The following RBM33 variants were observed in gnomAD, a reference collection of about 807,000 sequenced individuals.
The protein encoded by RBM33 is RNA binding motif protein 33, also known as RNA-binding protein 33.
RBM33 carries 28 observed loss-of-function variants against 132.6 expected under a neutral mutation model. The ratio of observed to expected loss-of-function variants is 0.21; its 90% CI spans 0.16 to 0.29. The LOEUF (loss-of-function observed/expected upper bound fraction) is 0.29, where lower values mean the gene tolerates loss of function less well. Ranked by LOEUF, RBM33 falls within the 10% of genes least tolerant of loss-of-function variation. The probability of loss-of-function intolerance (pLI) is 1.00; values close to 1 mark genes in which losing one functional copy is unlikely to be tolerated. For synonymous variants in RBM33, 634 were observed against 593.0 expected, an observed-to-expected ratio of 1.07 and a Z score of -1.01; for missense variants, 1,291 against 1,518.5, an observed-to-expected ratio of 0.85 and a Z score of 2.49.
At chr7:155,729,123 G>A (rs1005832243) in intron 9 of RBM33, among the ~76,000 whole-genome samples, 2 of 152,188 alleles carry the variant, frequency 1.3e-5, no homozygotes, top group Non-Finnish European at 2.9e-5. Flanking sequence ...CCTTCTTCAC[G>A]TGGTGGCAGG....
intron 3 of RBM33, among the ~76,000 whole-genome samples, chr7:155,673,503 TACATACACACGTGTATATATATACACAC>T (rs1799016439): frequency 6.7e-6 from 1 of 148,920 alleles, no homozygotes; most frequent in African/African-American, 2.5e-5. Context: ...CACACATATA[TACATACACACGTGTATATATATACACAC>T]ATATATACAT....
chr7:155,683,310 G>A (rs1410668268), intron 5 of RBM33, among the ~76,000 whole-genome samples: 1 of 152,216 alleles, frequency 6.6e-6, no homozygotes, highest in Non-Finnish European at 1.5e-5. Context: ...TGTCACTGAA[G>A]CCCAGATGAT....
At chr7:155,747,124 T>G (rs1801542121) in intron 14 of RBM33, among the ~76,000 whole-genome samples, 1 of 152,216 alleles carries the variant, frequency 6.6e-6, no homozygotes, top group Non-Finnish European at 1.5e-5. Flanking sequence ...GACTATCCAG[T>G]AGGATAGTCT....
At chr7:155,759,012 A>AG (rs1801941760) in intron 14 of RBM33, among the ~76,000 whole-genome samples, 1 of 151,738 alleles carries the variant, frequency 6.6e-6, no homozygotes, top group Non-Finnish European at 1.5e-5. Flanking sequence ...AGGTGGCACT[A>AG]GGAGGTGAGG....
chr7:155,739,879 G>GCACCACCAC lies in RBM33; in HGVS notation c.1916_1924dup (p.His639_His641dup), dbSNP rs754177553. ...CACCACAGCACCCGCCGCAGCACCA[G>GCACCACCAC]CACCACCACCACCACCACCACCTGT... On this transcript the variant is annotated inframe_insertion, in exon 12 of 18. Transcript: ENST00000401878. 4.5e-5 allele frequency: 63 copies of GCACCACCAC among 1,386,406 alleles called. No homozygotes were observed. The highest frequency in any genetic ancestry group is 5.1e-5 in the Non-Finnish European group (53 of 1,045,840). The allele number at this position is 1,386,406 out of a possible 1,614,324, so 85.9% of individuals were successfully genotyped here.
chr7:155,697,892 G>A (rs529592465), intron 5 of RBM33, among the ~76,000 whole-genome samples: 44 of 152,208 alleles, frequency 2.9e-4, no homozygotes, highest in Admixed American at 1.9e-3. Context: ...CAATAAATCA[G>A]TAACTAAAAA....
intron 5 of RBM33, among the ~76,000 whole-genome samples, chr7:155,698,772 G>A (rs976755131): frequency 1.3e-5 from 2 of 152,170 alleles, no homozygotes; most frequent in African/African-American, 4.8e-5. Flanking sequence ...TCATTGCAGT[G>A]TATAACCCTT....
chr7:155,780,534 C>G lies in RBM33; in HGVS notation c.*5493C>G, dbSNP rs1182966985. On this transcript the variant is annotated 3_prime_UTR_variant, in exon 18 of 18. Coordinates refer to ENST00000401878, the MANE Select transcript of RBM33 (RefSeq NM_053043.3). ...ATGCCATGCTCTGGGCTCTCCCTCT[C>G]TGTCCATTTCTGTTTTGCTTTCCTG... The G allele has an allele frequency of 6.6e-6, 1 of 152,418 alleles. No individual in the cohort carries two copies. The highest frequency in any genetic ancestry group is 1.9e-4 in the East Asian group (1 of 5,206). 9.4% of individuals were successfully genotyped at this position (152,418 alleles called of 1,614,324 possible). A position where few individuals can be genotyped will look rare whatever the true frequency, so the allele number is the denominator to read the frequency against.
intron 3 of RBM33, among the ~76,000 whole-genome samples, chr7:155,673,772 A>ACG (rs1799068169): frequency 9.1e-6 from 1 of 109,668 alleles, no homozygotes; most frequent in Non-Finnish European, 2.0e-5. Flanking sequence ...ATGCGCGCAC[A>ACG]CACACACACA....
intron 1 of RBM33, among the ~76,000 whole-genome samples, chr7:155,654,981 T>TG (rs1382325390): frequency 4.6e-5 from 7 of 152,248 alleles, no homozygotes; most frequent in Non-Finnish European, 1.0e-4. Context: ...TTTTAGGTAT[T>TG]GCAATAATAT....
At chr7:155,659,691 C>T (rs1798589034) in intron 1 of RBM33, among the ~76,000 whole-genome samples, 1 of 151,906 alleles carries the variant, frequency 6.6e-6, no homozygotes, top group African/African-American at 2.4e-5. Context: ...CTGAAAATTG[C>T]CAAATTCATA....
intron 5 of RBM33, among the ~76,000 whole-genome samples, chr7:155,700,248 T>A (rs1423211573): frequency 2.0e-5 from 3 of 151,732 alleles, no homozygotes; most frequent in Non-Finnish European, 4.4e-5. Flanking sequence ...TAAAAAGGAG[T>A]GAGAAATGAT....
intron 3 of RBM33, among the ~76,000 whole-genome samples, chr7:155,673,940 G>GTTGTTTTTTGTTTT: frequency 1.5e-4 from 8 of 54,214 alleles, no homozygotes; most frequent in African/African-American, 6.6e-4. Flanking sequence ...TTTAGGCTTA[G>GTTGTTTTTTGTTTT]TTTTTTTTTT....
At chr7:155,769,077 G>T (rs1802319624) in intron 16 of RBM33, among the ~76,000 whole-genome samples, 1 of 152,166 alleles carries the variant, frequency 6.6e-6, no homozygotes, top group South Asian at 2.1e-4. Flanking sequence ...TTTATCTATA[G>T]ACTCAGTGAG....
chr7:155,729,059 G>C (rs1430105505), intron 9 of RBM33, among the ~76,000 whole-genome samples: 1 of 152,184 alleles, frequency 6.6e-6, no homozygotes, highest in Non-Finnish European at 1.5e-5. Flanking sequence ...CCGCATGGCT[G>C]GAGAGGCCTC....
intron 5 of RBM33, among the ~76,000 whole-genome samples, chr7:155,699,734 G>A (rs947474763): frequency 2.6e-5 from 4 of 152,052 alleles, no homozygotes; most frequent in African/African-American, 9.7e-5. Flanking sequence ...TTTGTAGTTG[G>A]TCTTTTTACA....
chr7:155,685,350 T>C (rs1181804915), intron 5 of RBM33, among the ~76,000 whole-genome samples: 14 of 152,220 alleles, frequency 9.2e-5, no homozygotes, highest in Admixed American at 9.2e-4. Flanking sequence ...GGTAATTCTT[T>C]TTAATTAGTA....
intron 9 of RBM33, among the ~76,000 whole-genome samples, chr7:155,724,612 C>T (rs1326798803): frequency 6.6e-6 from 1 of 152,104 alleles, no homozygotes; most frequent in Admixed American, 6.5e-5. Context: ...AAATTGAGTG[C>T]TTTGAGCGTA....
intron 9 of RBM33, among the ~76,000 whole-genome samples, chr7:155,728,103 G>C (rs186100199): frequency 6.6e-6 from 1 of 152,278 alleles, no homozygotes; most frequent in East Asian, 1.9e-4. Context: ...ATATTTCACG[G>C]ATCAGTCATT....
Sources: gnomAD v4.1 joint callset for allele counts (sites outside exome capture counted in the v4.1 genomes callset) on GRCh38, gnomAD v4.1.1 for gene constraint, MANE v1.5 for transcripts, NCBI Gene and HGNC (gene_info 2026-07-23, HGNC 2026-07-21) for gene names.